RNF180: variants seen among roughly 807,000 people sequenced by gnomAD.
The protein encoded by RNF180 is E3 ubiquitin-protein ligase RNF180.
RNF180 carries 38 observed loss-of-function variants against 59.2 expected under a neutral mutation model. That is an observed-to-expected ratio of 0.64 (90% CI 0.50 to 0.84). The LOEUF is 0.84. RNF180 is among the 40% of genes least tolerant of loss of function. The pLI is 0.00. For synonymous variants in RNF180, 262 were observed against 240.3 expected (o/e 1.09, Z -0.84); for missense variants, 705 against 700.9 (o/e 1.01, Z -0.07).
intron 5 of RNF180, among the ~76,000 whole-genome samples, chr5:64,298,268 A>G (rs968002797): frequency 6.6e-6 from 1 of 151,932 alleles, no homozygotes; most frequent in African/African-American, 2.4e-5. Context: ...TATCATTTAG[A>G]TCAAGTCCAT....
intron 6 of RNF180, among the ~76,000 whole-genome samples, chr5:64,326,295 A>G (rs1177849896): frequency 1.3e-5 from 2 of 152,138 alleles, no homozygotes; most frequent in African/African-American, 2.4e-5. Flanking sequence ...AGTACCAAAT[A>G]TTGTACTACC....
intron 7 of RNF180, among the ~76,000 whole-genome samples, chr5:64,332,240 A>G (rs1744941374): frequency 6.6e-6 from 1 of 152,104 alleles, no homozygotes; most frequent in African/African-American, 2.4e-5. Flanking sequence ...GTGAAGTGAC[A>G]CCCTAGGGAT....
At chr5:64,230,808 A>G (rs577155827) in intron 5 of RNF180, among the ~76,000 whole-genome samples, 1 of 152,342 alleles carries the variant, frequency 6.6e-6, no homozygotes, top group South Asian at 2.1e-4. Flanking sequence ...AGCTTCTAGA[A>G]AAATTAGTGT....
At chr5:64,178,679 TA>T (rs1750394756) in intron 1 of RNF180, among the ~76,000 whole-genome samples, 1 of 152,262 alleles carries the variant, frequency 6.6e-6, no homozygotes, top group South Asian at 2.1e-4. Flanking sequence ...GTAGTATTGT[TA>T]AATGTGTCTT....
chr5:64,301,038 G>T (rs2112453770), intron 5 of RNF180, among the ~76,000 whole-genome samples: 1 of 151,680 alleles, frequency 6.6e-6, no homozygotes, highest in South Asian at 2.1e-4. Flanking sequence ...ATTCCAGATT[G>T]TTAAAGGTCT....
chr5:64,337,103 C>A (rs1407289948), intron 7 of RNF180, among the ~76,000 whole-genome samples: 1 of 151,712 alleles, frequency 6.6e-6, no homozygotes, highest in Non-Finnish European at 1.5e-5. Context: ...CAGCCTCAAC[C>A]TTCCAATTCA....
intron 5 of RNF180, among the ~76,000 whole-genome samples, chr5:64,281,336 T>C (rs955085577): frequency 3.3e-5 from 5 of 152,248 alleles, no homozygotes; most frequent in African/African-American, 1.2e-4. Context: ...TCCAGTACTA[T>C]GTTGACTAGG....
At chr5:64,262,383 C>T (rs1484742711) in intron 5 of RNF180, among the ~76,000 whole-genome samples, 1 of 152,074 alleles carries the variant, frequency 6.6e-6, no homozygotes, top group Non-Finnish European at 1.5e-5. Context: ...GTGCTGGATG[C>T]CTTTCATATA....
In RNF180 at chr5:64,182,612, A is replaced by T. The variant is rs182312234; in HGVS notation, c.-1+16659A>T. ...AGATCTAAGAGTATTACTGAATTTC[A>T]GGGAGATTCATGCTGAAGGACTATA... On this transcript the variant is annotated intron_variant, in intron 1 of 7. Coordinates refer to ENST00000389100, the MANE Select transcript of RNF180 (RefSeq NM_001113561.2). Among the ~76,000 whole-genome samples, 692 of 152,332 alleles carry T rather than the reference A, an allele frequency of 4.5e-3. 2 individuals are homozygous for T. The highest frequency in any genetic ancestry group is 0.012 in the South Asian group (57 of 4,822).
At chr5:64,300,136 C>T (rs1233810784) in intron 5 of RNF180, among the ~76,000 whole-genome samples, 1 of 151,504 alleles carries the variant, frequency 6.6e-6, no homozygotes, top group Non-Finnish European at 1.5e-5. Flanking sequence ...AAAGAGAAGC[C>T]ATAAAGTGCT....
intron 5 of RNF180, among the ~76,000 whole-genome samples, chr5:64,223,389 A>G (rs1302129429): frequency 6.6e-6 from 1 of 152,236 alleles, no homozygotes; most frequent in Admixed American, 6.5e-5. Context: ...GTACATTCAC[A>G]GGATCTTAGA....
At chr5:64,186,999 A>G (rs1750904823) in intron 1 of RNF180, among the ~76,000 whole-genome samples, 1 of 152,158 alleles carries the variant, frequency 6.6e-6, no homozygotes, top group African/African-American at 2.4e-5. Context: ...TCTTCTTTAA[A>G]ATTCACTATT....
chr5:64,275,815 GT>G (rs1741682460), intron 5 of RNF180, among the ~76,000 whole-genome samples: 1 of 151,938 alleles, frequency 6.6e-6, no homozygotes, highest in African/African-American at 2.4e-5. Context: ...ACTAAAAGAT[GT>G]TTACTATTTA....
At chr5:64,334,086 A>G (rs1453411060) in intron 7 of RNF180, among the ~76,000 whole-genome samples, 1 of 152,224 alleles carries the variant, frequency 6.6e-6, no homozygotes, top group East Asian at 1.9e-4. Context: ...GGATTCACTC[A>G]CTGTTGAGAA....
intron 5 of RNF180, among the ~76,000 whole-genome samples, chr5:64,258,297 A>T (rs1744107371): frequency 6.6e-6 from 1 of 152,210 alleles, no homozygotes; most frequent in African/African-American, 2.4e-5. Flanking sequence ...AAGATTAAGA[A>T]AGACCTAGTA....
At chr5:64,308,491 A>G (rs968603681) in intron 5 of RNF180, among the ~76,000 whole-genome samples, 3 of 151,774 alleles carry the variant, frequency 2.0e-5, no homozygotes. Context: ...AAACAAAGTT[A>G]TATATTGATT....
intron 5 of RNF180, among the ~76,000 whole-genome samples, chr5:64,262,019 T>C (rs776442418): frequency 6.6e-6 from 1 of 152,192 alleles, no homozygotes; most frequent in Non-Finnish European, 1.5e-5. Flanking sequence ...GTATTATCCC[T>C]GTTCTCAAGA....
chr5:64,308,866 C>T (rs1435378787), intron 5 of RNF180, among the ~76,000 whole-genome samples: 1 of 151,680 alleles, frequency 6.6e-6, no homozygotes, highest in Non-Finnish European at 1.5e-5. Context: ...AAAAGTTCTT[C>T]AGCTGACTCC....
At chr5:64,312,458 G>A (rs1013351502) in intron 5 of RNF180, among the ~76,000 whole-genome samples, 2 of 152,048 alleles carry the variant, frequency 1.3e-5, no homozygotes, top group Non-Finnish European at 1.5e-5. Context: ...ATAAAGATAA[G>A]AACCTGAATT....
Sources: gnomAD v4.1 joint callset for allele counts (sites outside exome capture counted in the v4.1 genomes callset) on GRCh38, gnomAD v4.1.1 for gene constraint, MANE v1.5 for transcripts, NCBI Gene and HGNC (gene_info 2026-07-23, HGNC 2026-07-21) for gene names.